Variants in QKI observed in about 807,000 individuals in gnomAD.
The protein encoded by QKI is QKI, KH domain containing RNA binding.
QKI carries 10 observed loss-of-function variants against 39.0 expected under a neutral mutation model. The observed-to-expected ratio is 0.26, with a 90% CI of 0.16 to 0.43. QKI has a LOEUF of 0.43. Ranked by LOEUF, QKI falls within the 20% of genes least tolerant of loss-of-function variation. The probability of loss-of-function intolerance (pLI) is 1.00; values close to 1 mark genes in which losing one functional copy is unlikely to be tolerated. For synonymous variants in QKI, 204 were observed against 155.4 expected, an observed-to-expected ratio of 1.31 and a Z score of -2.33; for missense variants, 218 against 428.0, an observed-to-expected ratio of 0.51 and a Z score of 4.33.
At chr6:163,561,358 G>C (rs1225528338) in intron 4 of QKI, among the ~76,000 whole-genome samples, 1 of 152,162 alleles carries the variant, frequency 6.6e-6, no homozygotes, top group African/African-American at 2.4e-5. Flanking sequence ...TGTAAACTTA[G>C]CACTTTGGGA....
chr6:163,545,193 T>G (rs985158391), intron 4 of QKI, among the ~76,000 whole-genome samples: 18 of 152,110 alleles, frequency 1.2e-4, no homozygotes, highest in African/African-American at 4.3e-4. Flanking sequence ...CTGCAGAAAT[T>G]TAAATGTGCT....
At chr6:163,455,513 G>A (rs1790850522) in intron 2 of QKI, 92 bp downstream of exon 2, 6 of 1,281,328 alleles carry the variant, frequency 4.7e-6, no homozygotes, top group Non-Finnish European at 2.1e-6. Context: ...AGCATTATTA[G>A]CCACTTTAAA....
At chr6:163,421,450 C>A (rs947792911) in intron 1 of QKI, among the ~76,000 whole-genome samples, 2 of 152,136 alleles carry the variant, frequency 1.3e-5, no homozygotes, top group Admixed American at 6.5e-5. Flanking sequence ...CCGTTAGTTA[C>A]CCTTTTAAAA....
chr6:163,476,647 C>T (rs1018875829), intron 2 of QKI, among the ~76,000 whole-genome samples: 1 of 152,146 alleles, frequency 6.6e-6, no homozygotes, highest in Non-Finnish European at 1.5e-5. Flanking sequence ...CAGTGATGGT[C>T]GCTTGTTCTG....
At chr6:163,460,316 A>G (rs570033527) in intron 2 of QKI, among the ~76,000 whole-genome samples, 1 of 152,344 alleles carries the variant, frequency 6.6e-6, no homozygotes, top group East Asian at 1.9e-4. Context: ...ATGAATACCC[A>G]TATTGTCAAA....
At chr6:163,481,115 C>T (rs556654327) in intron 3 of QKI, among the ~76,000 whole-genome samples, 19 of 151,998 alleles carry the variant, frequency 1.3e-4, no homozygotes, top group African/African-American at 3.9e-4. Flanking sequence ...GAGATGGAAA[C>T]AAAAAGAAGT....
intron 2 of QKI, among the ~76,000 whole-genome samples, chr6:163,475,428 A>G (rs1422849970): frequency 6.6e-6 from 1 of 152,214 alleles, no homozygotes; most frequent in East Asian, 1.9e-4. Flanking sequence ...TAATCTAAAG[A>G]TGATATAAAT....
intron 2 of QKI, among the ~76,000 whole-genome samples, chr6:163,467,368 T>C (rs1158890977): frequency 1.3e-5 from 2 of 152,254 alleles, no homozygotes; most frequent in African/African-American, 4.8e-5. Flanking sequence ...GGAACTCATA[T>C]GTTTAGAACT....
At position 163,449,823 on chromosome 6, in the gene QKI, A is replaced by G. The variant is rs1790415466; in HGVS notation, c.143-5456A>G. ...TATACACAGCCTTAGCTATGTATTT[A>G]TATATTTTATGAAATGACTGCTCAA... On this transcript the variant is annotated intron_variant, in intron 1 of 7. Transcript: ENST00000361752. Among the ~76,000 whole-genome samples the G allele has an allele frequency of 2.0e-5, 3 of 152,080 alleles. No homozygotes were observed. In the South Asian group the frequency reaches 6.2e-4, roughly 31 times the overall value.
At chr6:163,550,838 CAGAG>C (rs1461708095) in intron 4 of QKI, among the ~76,000 whole-genome samples, 1 of 151,198 alleles carries the variant, frequency 6.6e-6, no homozygotes, top group Non-Finnish European at 1.5e-5. Flanking sequence ...CCCAGCTACT[CAGAG>C]AGGCTGAGGC....
chr6:163,451,537 GT>G (rs951591022), intron 1 of QKI, among the ~76,000 whole-genome samples: 1 of 152,138 alleles, frequency 6.6e-6, no homozygotes, highest in Non-Finnish European at 1.5e-5. Context: ...GCAGATTTTG[GT>G]TTATTAAAAC....
intron 4 of QKI, among the ~76,000 whole-genome samples, chr6:163,559,519 G>A (rs560001376): frequency 3.5e-4 from 53 of 152,152 alleles, no homozygotes; most frequent in African/African-American, 1.2e-3. Context: ...AATAATTTCT[G>A]TGTCTTTCTA....
chr6:163,518,237 A>T (rs1779950686), intron 3 of QKI, among the ~76,000 whole-genome samples: 1 of 152,118 alleles, frequency 6.6e-6, no homozygotes, highest in Non-Finnish European at 1.5e-5. Flanking sequence ...AGTTGAGTTC[A>T]TTTCTTTATT....
At chr6:163,563,198 T>C (rs1189192922) in intron 5 of QKI, among the ~76,000 whole-genome samples, 1 of 152,216 alleles carries the variant, frequency 6.6e-6, no homozygotes, top group Non-Finnish European at 1.5e-5. Flanking sequence ...TTACAATGGC[T>C]TTTTAATTTT....
intron 3 of QKI, among the ~76,000 whole-genome samples, chr6:163,499,858 A>G (rs1316199978): frequency 6.6e-6 from 1 of 152,212 alleles, no homozygotes; most frequent in Non-Finnish European, 1.5e-5. Context: ...AAGCTAAACA[A>G]TTAAACGAAC....
chr6:163,439,972 A>G (rs1258959743), intron 1 of QKI, among the ~76,000 whole-genome samples: 2 of 152,194 alleles, frequency 1.3e-5, no homozygotes, highest in Admixed American at 6.5e-5. Flanking sequence ...AGAAGTCCTC[A>G]TGGATGAGTA....
At chr6:163,465,437 C>T (rs1487077261) in intron 2 of QKI, among the ~76,000 whole-genome samples, 4 of 151,798 alleles carry the variant, frequency 2.6e-5, no homozygotes, top group African/African-American at 9.7e-5. Context: ...GGAGACCAGC[C>T]TGGCCAACAT....
intron 3 of QKI, among the ~76,000 whole-genome samples, chr6:163,498,622 T>C (rs1199604620): frequency 1.3e-5 from 2 of 152,112 alleles, no homozygotes; most frequent in Admixed American, 6.6e-5. Context: ...TCTCCCCTTT[T>C]AAGTTGGAGT....
intron 2 of QKI, among the ~76,000 whole-genome samples, chr6:163,465,060 T>A (rs1268637888): frequency 6.6e-6 from 1 of 152,014 alleles, no homozygotes; most frequent in African/African-American, 2.4e-5. Context: ...CTACACCAAA[T>A]TAACAGAATG....
Sources: gnomAD v4.1 joint callset for allele counts (sites outside exome capture counted in the v4.1 genomes callset) on GRCh38, gnomAD v4.1.1 for gene constraint, MANE v1.5 for transcripts, NCBI Gene and HGNC (gene_info 2026-07-23, HGNC 2026-07-21) for gene names.